Variants in LOXHD1 observed in about 807,000 individuals in gnomAD.
LOXHD1 encodes the protein lipoxygenase homology PLAT domains 1, also known as lipoxygenase homology domain-containing protein 1.
A neutral mutation model predicts 248.2 loss-of-function variants in LOXHD1; 205 were observed. The observed-to-expected ratio is 0.83, with a 90% CI of 0.74 to 0.93. The LOEUF (loss-of-function observed/expected upper bound fraction) is 0.93. LOXHD1 is among the 40% of genes least tolerant of loss of function. The pLI is 0.00. For missense variants in LOXHD1, 2,930 were observed against 2,971.6 expected, an observed-to-expected ratio of 0.99 and a Z score of 0.33; for synonymous variants, 1,113 against 1,162.8, an observed-to-expected ratio of 0.96 and a Z score of 0.87.
At chr18:46,514,398 A>C (rs1240574341) in intron 34 of LOXHD1, among the ~76,000 whole-genome samples, 3 of 152,110 alleles carry the variant, frequency 2.0e-5, no homozygotes, top group Non-Finnish European at 4.4e-5. Context: ...ACTCACCTCC[A>C]AGCTCTCTGA....
At chr18:46,536,599 G>A (rs1470342195) in intron 26 of LOXHD1, among the ~76,000 whole-genome samples, 3 of 152,242 alleles carry the variant, frequency 2.0e-5, no homozygotes, top group African/African-American at 7.2e-5. Flanking sequence ...TCATGCCGAG[G>A]TGTGATCACA....
chr18:46,601,535 C>T (rs1221491732), intron 7 of LOXHD1, 68 bp from the exon 8 acceptor site: 3 of 1,548,772 alleles, frequency 1.9e-6, no homozygotes, highest in East Asian at 2.4e-5. Flanking sequence ...ACCCCCTCCT[C>T]CCCTTCCTGG....
At chr18:46,592,092 C>G in intron 11 of LOXHD1, 24 bp from the exon 12 acceptor site, 1 of 1,552,162 alleles carries the variant, frequency 6.4e-7, no homozygotes, top group Non-Finnish European at 8.7e-7. Flanking sequence ...CTGGGGTGAG[C>G]AAGTTGGTGC....
At chr18:46,639,391 C>G (rs762854683) in intron 4 of LOXHD1, among the ~76,000 whole-genome samples, 2 of 152,214 alleles carry the variant, frequency 1.3e-5, no homozygotes, top group Non-Finnish European at 2.9e-5. Context: ...TCCAATCCCT[C>G]TTGTATTTCC....
intron 33 of LOXHD1, among the ~76,000 whole-genome samples, chr18:46,519,998 G>A (rs964934651): frequency 3.9e-5 from 6 of 152,196 alleles, no homozygotes; most frequent in Non-Finnish European, 4.4e-5. Context: ...TGCGTGGGGT[G>A]TGCATGTGTG....
intron 37 of LOXHD1, 22 bp downstream of exon 37, chr18:46,505,816 C>A: frequency 6.4e-7 from 1 of 1,551,366 alleles, no homozygotes; most frequent in Non-Finnish European, 8.7e-7. Context: ...CTCCCACCAA[C>A]CTGGCCTTGA....
At chr18:46,620,997 G>C (rs1008418039) in intron 4 of LOXHD1, among the ~76,000 whole-genome samples, 1 of 152,208 alleles carries the variant, frequency 6.6e-6, no homozygotes, top group Non-Finnish European at 1.5e-5. Flanking sequence ...CAGAGATCAG[G>C]AGACCAGGGC....
intron 40 of LOXHD1, among the ~76,000 whole-genome samples, chr18:46,480,745 T>A (rs993416360): frequency 2.0e-5 from 3 of 152,096 alleles, no homozygotes; most frequent in Admixed American, 6.5e-5. Flanking sequence ...TCTGTGAACA[T>A]TGTGTATTAG....
intron 37 of LOXHD1, among the ~76,000 whole-genome samples, chr18:46,492,475 A>C (rs967574240): frequency 8.5e-5 from 13 of 152,186 alleles, no homozygotes; most frequent in African/African-American, 1.2e-4. Flanking sequence ...AAACCATCAG[A>C]TCTTGTGAGA....
rs559932316 is a variant in LOXHD1 at position 46,541,754 on chromosome 18, C to G, written c.3913+22G>C. 22 of 1,551,454 alleles carry G rather than the reference C, an allele frequency of 1.4e-5. No homozygotes were observed. The African/African-American group carries it at 2.5e-4, about 17-fold the overall frequency. On this transcript the variant is annotated intron_variant, in intron 25 of 40. Transcript: ENST00000642948. Reference sequence around the variant, plus strand: ...TGATGGGGCCCCAGAGAAGGGCTGGCCTTGCCGTGTGTGGTTCCTACATGG... The same window carrying G: ...TGATGGGGCCCCAGAGAAGGGCTGGGCTTGCCGTGTGTGGTTCCTACATGG...
intron 33 of LOXHD1, among the ~76,000 whole-genome samples, chr18:46,519,458 G>A (rs1248928757): frequency 6.6e-6 from 1 of 152,192 alleles, no homozygotes; most frequent in South Asian, 2.1e-4. Flanking sequence ...ACACTGTGAG[G>A]TTTGAAGTAT....
At chr18:46,601,746 A>T in intron 7 of LOXHD1, 1 of 432,750 alleles carries the variant, frequency 2.3e-6, no homozygotes, top group Non-Finnish European at 4.3e-6. Flanking sequence ...ACTAACAAAG[A>T]GAAGGAGGAA....
At chr18:46,576,273 G>C (rs956448784) in intron 14 of LOXHD1, among the ~76,000 whole-genome samples, 25 of 152,316 alleles carry the variant, frequency 1.6e-4, no homozygotes, top group African/African-American at 6.0e-4. Context: ...CTCTGATCCA[G>C]GATGGGGGTG....
chr18:46,649,296 TG>T (rs764879164), intron 1 of LOXHD1, 27 bp from the exon 2 acceptor site: 4 of 1,534,568 alleles, frequency 2.6e-6, no homozygotes, highest in Non-Finnish European at 3.5e-6. Context: ...GGAGACAGAT[TG>T]CAGGCTCAGA....
intron 40 of LOXHD1, among the ~76,000 whole-genome samples, chr18:46,481,484 C>T (rs952409539): frequency 1.3e-5 from 2 of 152,192 alleles, no homozygotes; most frequent in African/African-American, 2.4e-5. Context: ...CCCCTGCCAT[C>T]GTCCCTCTAC....
intron 4 of LOXHD1, among the ~76,000 whole-genome samples, chr18:46,635,188 C>T (rs1031483175): frequency 6.6e-6 from 1 of 152,026 alleles, no homozygotes; most frequent in South Asian, 2.1e-4. Context: ...TGTGTTGTGT[C>T]GGAAACACTG....
At chr18:46,634,124 T>C (rs1237375151) in intron 4 of LOXHD1, among the ~76,000 whole-genome samples, 4 of 152,210 alleles carry the variant, frequency 2.6e-5, no homozygotes, top group Admixed American at 6.5e-5. Context: ...CAAATATTTG[T>C]ACGCCCATGT....
intron 8 of LOXHD1, 136 bp from the exon 9 acceptor site, chr18:46,594,602 C>T (rs2038230359): frequency 4.9e-6 from 5 of 1,029,780 alleles, no homozygotes; most frequent in Admixed American, 5.2e-5. Flanking sequence ...TTTTCTGTTG[C>T]CTATCTCATT....
chr18:46,555,118 T>G (rs2037267330), intron 21 of LOXHD1: 1 of 471,024 alleles, frequency 2.1e-6, no homozygotes, highest in African/African-American at 2.0e-5. Flanking sequence ...GGCAGAGAAT[T>G]ACTAACCCTG....
Sources: gnomAD v4.1 joint callset for allele counts (sites outside exome capture counted in the v4.1 genomes callset) on GRCh38, gnomAD v4.1.1 for gene constraint, MANE v1.5 for transcripts, NCBI Gene and HGNC (gene_info 2026-07-23, HGNC 2026-07-21) for gene names.